The following ADCY5 variants were observed in gnomAD, a reference collection of about 807,000 sequenced individuals.
ADCY5 encodes adenylate cyclase 5.
A neutral mutation model predicts 119.7 loss-of-function variants in ADCY5; 30 were observed. That is an observed-to-expected ratio of 0.25 (90% CI 0.19 to 0.34). The LOEUF (loss-of-function observed/expected upper bound fraction) is 0.34, where lower values mean the gene tolerates loss of function less well. Ranked by LOEUF, ADCY5 falls within the 10% of genes least tolerant of loss-of-function variation. The pLI is 1.00. For synonymous variants in ADCY5, 753 were observed against 762.2 expected, an observed-to-expected ratio of 0.99 and a Z score of 0.20; for missense variants, 1,324 against 1,775.2, an observed-to-expected ratio of 0.75 and a Z score of 4.57.
chr3:123,287,351 T>A (rs1424608621), intron 19 of ADCY5, among the ~76,000 whole-genome samples: 1 of 152,194 alleles, frequency 6.6e-6, no homozygotes, highest in Non-Finnish European at 1.5e-5. Flanking sequence ...AAGGCAACGC[T>A]GAGCATCACT....
At chr3:123,319,947 G>A in intron 9 of ADCY5, 129 bp from the exon 10 acceptor site, 1 of 1,299,366 alleles carries the variant, frequency 7.7e-7, no homozygotes, top group Admixed American at 2.4e-5. Context: ...CCCAATCAGG[G>A]CAGCGGGAGC....
chr3:123,421,078 G>A (rs1183584530), intron 1 of ADCY5, among the ~76,000 whole-genome samples: 1 of 152,132 alleles, frequency 6.6e-6, no homozygotes, highest in Non-Finnish European at 1.5e-5. Context: ...CATTTGCAAA[G>A]ACCCTATTTT....
At chr3:123,361,160 A>C (rs1445792809) in intron 1 of ADCY5, among the ~76,000 whole-genome samples, 1 of 152,162 alleles carries the variant, frequency 6.6e-6, no homozygotes, top group Non-Finnish European at 1.5e-5. Context: ...TCCTGGTCAC[A>C]TAAAGTACTG....
At chr3:123,427,262 A>C (rs779036346) in intron 1 of ADCY5, among the ~76,000 whole-genome samples, 3 of 152,042 alleles carry the variant, frequency 2.0e-5, no homozygotes, top group Non-Finnish European at 4.4e-5. Flanking sequence ...CACTAGACCC[A>C]CCTTTCTAAT....
At chr3:123,380,089 C>T (rs1229159939) in intron 1 of ADCY5, among the ~76,000 whole-genome samples, 1 of 152,164 alleles carries the variant, frequency 6.6e-6, no homozygotes, top group African/African-American at 2.4e-5. Context: ...AGCCACTTCC[C>T]TAATTAGAAG....
At chr3:123,361,311 T>C (rs1943238881) in intron 1 of ADCY5, among the ~76,000 whole-genome samples, 1 of 152,192 alleles carries the variant, frequency 6.6e-6, no homozygotes, top group Non-Finnish European at 1.5e-5. Context: ...TAGCTTCCCT[T>C]CGTTATTTTT....
chr3:123,291,164 C>T lies in ADCY5; in HGVS notation c.3276G>A (p.Glu1092=). ...TGAGTAGCCGCAGGCACTCGACACC[C>T]TCGTTGTTGGCCTCCAGCTCAACGT... ...EFYVELEANN[E]GVECLRLLNE... The change falls in exon 18 of 21, where the codon GAG becomes GAA. Residue 1092 remains glutamate (E), a synonymous_variant. Transcript: ENST00000462833. The T allele has an allele frequency of 1.9e-6, 3 of 1,614,116 alleles. No homozygotes were observed. Among genetic ancestry groups the T allele is most frequent in the Non-Finnish European group, 1.7e-6 (2 of 1,180,038 alleles).
chr3:123,419,120 T>C (rs1945247446), intron 1 of ADCY5: 2 of 983,418 alleles, frequency 2.0e-6, no homozygotes, highest in African/African-American at 1.7e-5. Context: ...AAGGGTTCTG[T>C]TTCTCCAGGG....
At chr3:123,343,234 A>G (rs982842191) in intron 3 of ADCY5, among the ~76,000 whole-genome samples, 24 of 152,142 alleles carry the variant, frequency 1.6e-4, no homozygotes, top group African/African-American at 4.8e-5. Flanking sequence ...GATGATGTGT[A>G]CTTTAATCCA....
intron 3 of ADCY5, among the ~76,000 whole-genome samples, chr3:123,342,274 T>C (rs533351738): frequency 1.3e-5 from 2 of 152,254 alleles, no homozygotes; most frequent in African/African-American, 2.4e-5. Flanking sequence ...GCGTGGTCAT[T>C]ATAATTCAGA....
In ADCY5 at chr3:123,352,178, T is replaced by C. The variant is rs762430976; in HGVS notation, c.1284+254A>G. Among the ~76,000 whole-genome samples, 3 of 152,090 alleles carry C rather than the reference T, an allele frequency of 2.0e-5. No individual in the cohort carries two copies. The highest frequency in any genetic ancestry group is 4.4e-5 in the Non-Finnish European group (3 of 67,980). Reference sequence around the variant, plus strand: ...AGAGGGACCCTCTGGCTGCTGGGCTTGTTTGCAAACCACAGGGACGCCACA... The same window carrying C: ...AGAGGGACCCTCTGGCTGCTGGGCTCGTTTGCAAACCACAGGGACGCCACA... On this transcript the variant is annotated intron_variant, in intron 2 of 20. Transcript: ENST00000462833. The surrounding 1 kb of genome is among the most constrained non-coding windows in gnomAD (Gnocchi z 4.8).
At chr3:123,361,515 C>T (rs116869869) in intron 1 of ADCY5, among the ~76,000 whole-genome samples, 12 of 149,186 alleles carry the variant, frequency 8.0e-5, no homozygotes, top group East Asian at 2.0e-4. Context: ...CTGGCAACCA[C>T]GAACCTACTT....
intron 1 of ADCY5, among the ~76,000 whole-genome samples, chr3:123,357,112 C>T (rs944621050): frequency 5.9e-5 from 9 of 152,048 alleles, no homozygotes; most frequent in African/African-American, 2.2e-4. Context: ...CACAAGGAAA[C>T]CTTTTGGGGT....
intron 1 of ADCY5, among the ~76,000 whole-genome samples, chr3:123,439,129 G>A (rs1399406871): frequency 6.0e-5 from 7 of 116,218 alleles, no homozygotes; most frequent in East Asian, 3.0e-4. Context: ...GTGTAGTGGC[G>A]CAATCTCGGC....
At chr3:123,346,170 G>A (rs900909249) in intron 3 of ADCY5, among the ~76,000 whole-genome samples, 1 of 152,230 alleles carries the variant, frequency 6.6e-6, no homozygotes, top group Non-Finnish European at 1.5e-5. Context: ...TCCACCATGG[G>A]AGGGCCAAGG....
At chr3:123,338,724 AAGAGTGGG>A (rs1185878049) in intron 3 of ADCY5, among the ~76,000 whole-genome samples, 1 of 152,200 alleles carries the variant, frequency 6.6e-6, no homozygotes, top group East Asian at 1.9e-4. Flanking sequence ...TTCCAGGGGC[AAGAGTGGG>A]AGACAGAGTC....
rs1941615007 is a variant in ADCY5 at position 123,328,743 on chromosome 3, C to T, written c.1706G>A (p.Arg569Gln). 4 of 1,614,134 alleles carry T rather than the reference C, an allele frequency of 2.5e-6. No individual in the cohort carries two copies. The highest frequency in any genetic ancestry group is 3.4e-6 in the Non-Finnish European group (4 of 1,180,056). The change falls in exon 6 of 21, where the codon CGA becomes CAA. Residue 569 changes from arginine (R) to glutamine (Q), a missense_variant. By Grantham distance (43) the Arg-to-Gln change is conservative. Coordinates refer to ENST00000462833, the MANE Select transcript of ADCY5 (RefSeq NM_183357.3). ...GAGACCAAGGACACCGCAGTGTACTCGCCCGCTGTGAATTCCCACACGCAT... is the reference window on the plus strand; with the variant it reads ...GAGACCAAGGACACCGCAGTGTACTTGCCCGCTGTGAATTCCCACACGCAT... ...VNMRVGIHSG[R>Q]VHCGVLGLRK...
intron 1 of ADCY5, among the ~76,000 whole-genome samples, chr3:123,373,740 A>C (rs1943715752): frequency 2.7e-5 from 4 of 146,884 alleles, no homozygotes; most frequent in East Asian, 2.1e-4. Flanking sequence ...AATTTAGCCA[A>C]CAGGCCAGAA....
rs1054244459 is a variant in ADCY5, at chr3:123,438,346, C to T, written c.1134+9066G>A. Among the ~76,000 whole-genome samples the T allele has an allele frequency of 3.9e-5, 6 of 152,186 alleles. No individual in the cohort carries two copies. In the South Asian group the frequency reaches 1.2e-3, roughly 32 times the overall value. Reference sequence around the variant, plus strand: ...TCCAATATTTCCTAAATTTATTTGACACACACCATGTGTGTGTAAAATAGT... The same window carrying T: ...TCCAATATTTCCTAAATTTATTTGATACACACCATGTGTGTGTAAAATAGT... On this transcript the variant is annotated intron_variant, in intron 1 of 20. Transcript: ENST00000462833.
Sources: gnomAD v4.1 joint callset for allele counts (sites outside exome capture counted in the v4.1 genomes callset) on GRCh38, gnomAD v4.1.1 for gene constraint, Gnocchi (gnomAD v3.1) non-coding constraint, MANE v1.5 for transcripts, NCBI Gene and HGNC (gene_info 2026-07-23, HGNC 2026-07-21) for gene names.